The following FCRL5 variants were observed in gnomAD, a reference collection of about 807,000 sequenced individuals.
FCRL5 encodes Fc receptor-like protein 5.
FCRL5 carries 79 observed loss-of-function variants against 92.1 expected under a neutral mutation model. The observed-to-expected ratio is 0.86, with a 90% CI of 0.72 to 1.03. The LOEUF (loss-of-function observed/expected upper bound fraction) is 1.03, where lower values mean the gene tolerates loss of function less well. FCRL5 is among the 50% of genes least tolerant of loss of function. The pLI, the probability that FCRL5 is intolerant of heterozygous loss-of-function variation, is 0.00. For synonymous variants in FCRL5, 466 were observed against 469.3 expected, an observed-to-expected ratio of 0.99 and a Z score of 0.09; for missense variants, 1,160 against 1,181.1, an observed-to-expected ratio of 0.98 and a Z score of 0.26.
chr1:157,544,161 C>G, intron 5 of FCRL5, 101 bp downstream of exon 5: 1 of 1,229,972 alleles, frequency 8.1e-7, no homozygotes. Context: ...CTCACAGGTA[C>G]GAGTTTTTTC....
At chr1:157,522,311 A>T (rs1650233355) in intron 10 of FCRL5, 2 of 152,244 alleles carry the variant, frequency 1.3e-5, no homozygotes, top group Admixed American at 1.3e-4. Flanking sequence ...ATTACTAAAA[A>T]CTAAAATGTT....
chr1:157,536,208 C>T (rs1420182898), intron 7 of FCRL5, among the ~76,000 whole-genome samples: 5 of 152,114 alleles, frequency 3.3e-5, no homozygotes, highest in African/African-American at 1.2e-4. Context: ...TCCCAAAGTG[C>T]TGGAATTACA....
chr1:157,516,692 T>C (rs190734073), intron 15 of FCRL5, among the ~76,000 whole-genome samples: 7 of 152,354 alleles, frequency 4.6e-5, no homozygotes, highest in Admixed American at 3.9e-4. Context: ...TATATTATCA[T>C]CAAACTGGAG....
At chr1:157,545,142 G>GT in intron 3 of FCRL5, 60 bp from the exon 4 acceptor site, 1 of 1,533,172 alleles carries the variant, frequency 6.5e-7, no homozygotes, top group Non-Finnish European at 8.8e-7. Context: ...TCTTTTCATT[G>GT]TTTTTCCAAG....
At position 157,544,476 on chromosome 1, in the gene FCRL5, G is replaced by A. The variant is rs1571108672; in HGVS notation, c.630C>T (p.Thr210=). The change falls in exon 5 of 17, where the codon ACC becomes ACT. Residue 210 remains threonine (T), a synonymous_variant. Transcript: ENST00000361835. ...TCTCTAGAGAGAGCTGGGTCTCACA[G>A]GTCAGGGTCACTGGGTTCCCGCTGA... ...QPISGNPVTL[T]CETQLSLERS... 33 of 1,614,212 alleles carry A rather than the reference G, an allele frequency of 2.0e-5. 1 individual carries two copies. The highest frequency in any genetic ancestry group is 9.3e-5 in the African/African-American group (7 of 75,054).
chr1:157,537,720 C>G (rs1651034833), intron 7 of FCRL5, among the ~76,000 whole-genome samples: 1 of 152,178 alleles, frequency 6.6e-6, no homozygotes, highest in Non-Finnish European at 1.5e-5. Context: ...GGACACCCAG[C>G]TTTAAAATTG....
At position 157,542,948 on chromosome 1, in the gene FCRL5, A is replaced by C. The variant is rs1351306732; in HGVS notation, c.1034T>G (p.Leu345Arg). 19 of 1,614,088 alleles carry C rather than the reference A, an allele frequency of 1.2e-5. No homozygotes were observed. The highest frequency in any genetic ancestry group is 1.6e-5 in the Non-Finnish European group (19 of 1,180,034). ...GTAGTTCCCTGAATTCTCTGTAGTC[A>C]GTGAGAAGCTGATGGATGCTCCCCT... is the stretch of plus-strand genomic sequence containing the variant. ...CERGASISFS[L>R]TTENSGNYYC... is the part of the protein sequence containing the mutation. Residue 345 changes from leucine to arginine, a missense_variant, in exon 6 of 17, where the codon CTG becomes CGG. Transcript: ENST00000361835.
At chr1:157,529,874 C>T (rs977650373) in intron 8 of FCRL5, among the ~76,000 whole-genome samples, 1 of 152,188 alleles carries the variant, frequency 6.6e-6, no homozygotes, top group African/African-American at 2.4e-5. Flanking sequence ...GTACACTGCT[C>T]TGGCAACGAG....
chr1:157,519,557 G>A (rs573165070), intron 13 of FCRL5, among the ~76,000 whole-genome samples, 186 bp downstream of exon 13: 3 of 152,176 alleles, frequency 2.0e-5, no homozygotes, highest in African/African-American at 7.2e-5. Context: ...TACAGCTAAG[G>A]GGGTGGGTGC....
intron 9 of FCRL5, among the ~76,000 whole-genome samples, chr1:157,527,222 G>T (rs1183016771): frequency 6.6e-6 from 1 of 152,214 alleles, no homozygotes; most frequent in African/African-American, 2.4e-5. Flanking sequence ...GCCAATAAGA[G>T]AATTGTGTTG....
Position 157,515,631 on chromosome 1 carries a change from T to G in FCRL5, c.*44A>C, listed in dbSNP as rs1190025869. The stretch of plus-strand genomic sequence containing the variant: ...TGCTGCTTCTCCCCCAAGGGGAACT[T>G]TGGGGTGCAGAGGCTGAAACAGCAG... On this transcript the variant is annotated 3_prime_UTR_variant, in exon 17 of 17. Transcript: ENST00000361835. The G allele has an allele frequency of 6.2e-7, 1 of 1,614,012 alleles. No homozygotes were observed. Among genetic ancestry groups the G allele is most frequent in the Non-Finnish European group, 8.5e-7 (1 of 1,179,980 alleles).
chr1:157,530,611 C>T (rs575608492), intron 8 of FCRL5, among the ~76,000 whole-genome samples: 3 of 152,330 alleles, frequency 2.0e-5, no homozygotes, highest in African/African-American at 7.2e-5. Flanking sequence ...CTGCCCGCCT[C>T]GGCCTCCCAA....
intron 2 of FCRL5, among the ~76,000 whole-genome samples, chr1:157,548,754 A>G (rs1028183588): frequency 5.9e-5 from 9 of 152,246 alleles, no homozygotes; most frequent in Admixed American, 5.9e-4. Flanking sequence ...CACACCAGTT[A>G]GAATGGCAAT....
At chr1:157,548,508 T>C (rs1558143880) in intron 2 of FCRL5, among the ~76,000 whole-genome samples, 2 of 152,146 alleles carry the variant, frequency 1.3e-5, no homozygotes, top group South Asian at 4.2e-4. Context: ...ACCTACAGAA[T>C]GGGAGAAAAG....
chr1:157,546,940 C>T lies in FCRL5; in HGVS notation c.307+3G>A. On this transcript the variant is annotated splice_donor_region_variant and intron_variant, in intron 3 of 16. Transcript: ENST00000361835. ...AGTTGGTGCGTCTTTCACGCTCTCT[C>T]ACCTGAAGAAAAATCCAAGTGCACA... 6.2e-7 allele frequency: 1 copy of T among 1,611,200 alleles called. No individual in the cohort carries two copies. The highest frequency in any genetic ancestry group is 8.5e-7 in the Non-Finnish European group (1 of 1,178,150).
At chr1:157,547,832 T>C (rs1226052308) in intron 2 of FCRL5, among the ~76,000 whole-genome samples, 1 of 152,188 alleles carries the variant, frequency 6.6e-6, no homozygotes, top group East Asian at 1.9e-4. Context: ...GGGTTCTCAA[T>C]TATCCACTCA....
At chr1:157,544,770 T>C in intron 4 of FCRL5, 61 bp downstream of exon 4, 1 of 1,599,882 alleles carries the variant, frequency 6.3e-7, no homozygotes, top group Non-Finnish European at 8.5e-7. Context: ...CTGTTCTATC[T>C]CTATGACCCC....
rs775456233 is a variant in FCRL5, at chr1:157,539,208, T to C, written c.1280A>G (p.Asn427Ser). The C allele has an allele frequency of 2.2e-5, 35 of 1,613,990 alleles. No individual in the cohort carries two copies. The highest frequency in any genetic ancestry group is 5.3e-5 in the African/African-American group (4 of 74,904). Reference protein sequence around the residue: ...EGAALERRSANSAGGVAISFS... With the variant: ...EGAALERRSASSAGGVAISFS... The stretch of plus-strand genomic sequence containing the variant: ...GCTGATGGCCACTCCTCCTGCAGAG[T>C]TGGCCGACCTACGCTCCAGGGCAGC... Residue 427 changes from asparagine to serine, a missense_variant, in exon 7 of 17, where the codon AAC (asparagine) becomes AGC (serine). Asn to Ser is a conservative substitution (Grantham distance 46). Transcript: ENST00000361835.
At position 157,543,009 on chromosome 1, in the gene FCRL5, C is replaced by T. The variant is rs773394618; in HGVS notation, c.973G>A (p.Gly325Ser). ...ACTGACTTGTGCCTCAGGGGGACACCCTCATGATAAAACCTGTACAAAGTG... is the reference window on the plus strand; with the variant it reads ...ACTGACTTGTGCCTCAGGGGGACACTCTCATGATAAAACCTGTACAAAGTG... ...LRTLYRFYHE[G>S]VPLRHKSVRC... is the part of the protein sequence containing the mutation. Residue 325 changes from glycine (G) to serine (S), a missense_variant, in exon 6 of 17, where the codon GGT becomes AGT. By Grantham distance (56) the Gly-to-Ser change is moderately conservative. Transcript: ENST00000361835. 6.2e-7 allele frequency: 1 copy of T among 1,614,188 alleles called. No homozygotes were observed. Among genetic ancestry groups the T allele is most frequent in the South Asian group, 1.1e-5 (1 of 91,084 alleles).
Sources: allele counts gnomAD v4.1 joint callset (sites outside exome capture counted in the v4.1 genomes callset), GRCh38; gene constraint gnomAD v4.1.1; transcripts MANE v1.5; gene names NCBI Gene and HGNC (gene_info 2026-07-23, HGNC 2026-07-21).